Variants in TBX19 observed in about 807,000 individuals in gnomAD.
The protein encoded by TBX19 is T-box transcription factor 19.
Under a neutral mutation model 40.9 loss-of-function variants are expected in TBX19, and 33 were observed. The observed-to-expected ratio is 0.81, with a 90% CI of 0.61 to 1.08. The LOEUF is 1.08. Among genes scored for constraint, TBX19 ranks in the 50% least tolerant of loss-of-function variants. TBX19 has a pLI of 0.00. For missense variants in TBX19, 494 were observed against 574.0 expected (o/e 0.86, Z 1.42); for synonymous variants, 220 against 225.0 (o/e 0.98, Z 0.20).
At chr1:168,303,514 C>T (rs1347680800) in intron 5 of TBX19, among the ~76,000 whole-genome samples, 1 of 152,142 alleles carries the variant, frequency 6.6e-6, no homozygotes. Flanking sequence ...GGGTCCTGAT[C>T]CAGACCCCAA....
chr1:168,307,670 C>T (rs1350977702), intron 6 of TBX19, among the ~76,000 whole-genome samples: 1 of 152,060 alleles, frequency 6.6e-6, no homozygotes, highest in Admixed American at 6.6e-5. Context: ...CTGCCTTCTT[C>T]CTCTCTCTTA....
chr1:168,310,297 CAAA>C (rs35774547), intron 7 of TBX19, among the ~76,000 whole-genome samples: 1 of 121,224 alleles, frequency 8.2e-6, no homozygotes, highest in Admixed American at 8.4e-5. Flanking sequence ...ACTCTGCCTC[CAAA>C]AAAAAAAAAA....
chr1:168,297,330 G>A (rs959357308), intron 3 of TBX19, among the ~76,000 whole-genome samples: 2 of 152,216 alleles, frequency 1.3e-5, no homozygotes, highest in African/African-American at 4.8e-5. Context: ...AACTAGAAAA[G>A]TAAATCACAT....
At chr1:168,293,380 A>C in intron 3 of TBX19, 102 bp downstream of exon 3, 1 of 1,432,586 alleles carries the variant, frequency 7.0e-7, no homozygotes, top group Non-Finnish European at 9.4e-7. Flanking sequence ...CTTTTAGATG[A>C]AAGGTAGGTT....
intron 5 of TBX19, among the ~76,000 whole-genome samples, chr1:168,303,287 C>G: frequency 6.6e-6 from 1 of 152,216 alleles, no homozygotes; most frequent in Middle Eastern, 3.4e-3. Context: ...TGAGAACATG[C>G]GGTGTTTGGT....
At chr1:168,292,664 A>T (rs192899074) in intron 2 of TBX19, among the ~76,000 whole-genome samples, 10 of 152,210 alleles carry the variant, frequency 6.6e-5, no homozygotes, top group Admixed American at 5.9e-4. Context: ...GGAGATCGAG[A>T]CCATCCTGGC....
chr1:168,293,033 C>A lies in TBX19; in HGVS notation c.469-111C>A. 5 of 1,574,792 alleles carry A rather than the reference C, an allele frequency of 3.2e-6. No individual in the cohort carries two copies. In the South Asian group the frequency reaches 5.6e-5, roughly 18 times the overall value. On this transcript the variant is annotated intron_variant, in intron 2 of 7. Coordinates refer to ENST00000367821, the MANE Select transcript of TBX19 (RefSeq NM_005149.3). Reference sequence around the variant, plus strand: ...TGGCCTAGGATTTGAAATGTGTGTCCCTAACCGGGGTGGTGCTAAGCTTGG... The same window carrying A: ...TGGCCTAGGATTTGAAATGTGTGTCACTAACCGGGGTGGTGCTAAGCTTGG...
intron 1 of TBX19, among the ~76,000 whole-genome samples, chr1:168,290,955 G>A (rs1430074196): frequency 6.6e-6 from 1 of 152,026 alleles, no homozygotes; most frequent in Non-Finnish European, 1.5e-5. Context: ...ACTTTAAAAC[G>A]GAGCATGTTT....
intron 1 of TBX19, among the ~76,000 whole-genome samples, chr1:168,281,881 ATAT>A (rs753692614): frequency 4.0e-4 from 61 of 152,222 alleles, no homozygotes; most frequent in Non-Finnish European, 7.5e-4. Context: ...GGATGAAAAC[ATAT>A]TATTCTGCTT....
In TBX19 at chr1:168,280,890, A is replaced by G. The variant is rs1310388779; in HGVS notation, c.-201A>G. On this transcript the variant is annotated 5_prime_UTR_variant, in exon 1 of 8. Transcript: ENST00000367821. The stretch of plus-strand genomic sequence containing the variant: ...TCCCCTGCCTCCACCCCGCTCCCCA[A>G]CTAAAGCTTAACAGGTTGGTGGCAT... 1.9e-5 allele frequency: 12 copies of G among 616,892 alleles called. No homozygotes were observed. The highest frequency in any genetic ancestry group is 3.6e-5 in the South Asian group (2 of 55,346). The allele number at this position is 616,892 out of a possible 1,614,324, so 38.2% of individuals were successfully genotyped here.
chr1:168,293,369 C>T, intron 3 of TBX19, 91 bp downstream of exon 3: 1 of 1,459,444 alleles, frequency 6.9e-7, no homozygotes, highest in East Asian at 2.6e-5. Context: ...CGGGGGGGGT[C>T]CTTTTAGATG....
Position 168,305,002 on chromosome 1 carries a change from T to C in TBX19, c.728-6T>C. ...AGTCTTGGTGTATTCCTCTTGTCTA[T>C]TTTAGTGGGAGGCTGGATCTTTTCC... On this transcript the variant is annotated splice_region_variant and splice_polypyrimidine_tract_variant and intron_variant, in intron 5 of 7. Transcript: ENST00000367821. The C allele has an allele frequency of 1.2e-6, 2 of 1,613,852 alleles. No homozygotes were observed. The highest frequency in any genetic ancestry group is 2.2e-5 in the South Asian group (2 of 91,078).
intron 2 of TBX19, among the ~76,000 whole-genome samples, chr1:168,292,154 C>T (rs1055236953): frequency 1.3e-5 from 2 of 152,156 alleles, no homozygotes; most frequent in African/African-American, 4.8e-5. Context: ...CTCAGCCTCC[C>T]ACCCTGTGCC....
chr1:168,283,868 G>A (rs1169706707), intron 1 of TBX19, among the ~76,000 whole-genome samples: 2 of 152,166 alleles, frequency 1.3e-5, no homozygotes, highest in African/African-American at 4.8e-5. Flanking sequence ...AGGTCTCATT[G>A]TTCTGCACTA....
At chr1:168,289,404 A>G (rs1432100631) in intron 1 of TBX19, among the ~76,000 whole-genome samples, 2 of 152,250 alleles carry the variant, frequency 1.3e-5, no homozygotes, top group African/African-American at 2.4e-5. Flanking sequence ...AAGATTTTAC[A>G]TCACACAGGC....
Position 168,281,261 on chromosome 1 carries a change from C to A in TBX19, c.171C>A (p.Val57=). Residue 57 remains valine (V), a synonymous_variant, in exon 1 of 8, where the codon GTC becomes GTA. Transcript: ENST00000367821. ...CTCTCTGGCAGAGATTCAAGGAAGT[C>A]ACTAATGAGATGATTGTGACCAAGA... ...DAPLWQRFKE[V]TNEMIVTKNG... is the part of the protein sequence containing the mutation. The A allele has an allele frequency of 1.2e-6, 2 of 1,614,120 alleles. No homozygotes were observed. Among genetic ancestry groups the A allele is most frequent in the Non-Finnish European group, 1.7e-6 (2 of 1,180,024 alleles).
intron 1 of TBX19, among the ~76,000 whole-genome samples, chr1:168,285,803 T>G (rs1395553662): frequency 2.0e-5 from 3 of 152,210 alleles, no homozygotes; most frequent in Non-Finnish European, 4.4e-5. Context: ...TGATTGGAAG[T>G]GCAGTTAATT....
rs1370423799 is a variant in TBX19, at chr1:168,281,271, A to T, written c.181A>T (p.Met61Leu). ...GAGATTCAAGGAAGTCACTAATGAG[A>T]TGATTGTGACCAAGAATGGCAGGTG... is the stretch of plus-strand genomic sequence containing the variant. ...WQRFKEVTNE[M>L]IVTKNGRRMF... Residue 61 changes from methionine to leucine, a missense_variant, in exon 1 of 8, where the codon ATG (methionine) becomes TTG (leucine). By Grantham distance (15) the Met-to-Leu change is conservative. Transcript: ENST00000367821. The T allele has an allele frequency of 6.2e-7, 1 of 1,614,156 alleles. No individual in the cohort carries two copies. The highest frequency in any genetic ancestry group is 1.1e-5 in the South Asian group (1 of 91,078).
chr1:168,282,819 C>G (rs1300208791), intron 1 of TBX19, among the ~76,000 whole-genome samples: 1 of 152,012 alleles, frequency 6.6e-6, no homozygotes, highest in Non-Finnish European at 1.5e-5. Context: ...TAGCCTTATG[C>G]TATTGATTGG....
Sources: gnomAD v4.1 joint callset for allele counts (sites outside exome capture counted in the v4.1 genomes callset) on GRCh38, gnomAD v4.1.1 for gene constraint, MANE v1.5 for transcripts, NCBI Gene and HGNC (gene_info 2026-07-23, HGNC 2026-07-21) for gene names.